EFNA5: variants seen among roughly 807,000 people sequenced by gnomAD.
The protein encoded by EFNA5 is ephrin-A5.
EFNA5 carries 5 observed loss-of-function variants against 22.9 expected under a neutral mutation model. The ratio of observed to expected loss-of-function variants is 0.22; its 90% CI spans 0.11 to 0.46. EFNA5 has a LOEUF of 0.46. Among genes scored for constraint, EFNA5 ranks in the 20% least tolerant of loss-of-function variants. The pLI, the probability that EFNA5 is intolerant of heterozygous loss-of-function variation, is 0.99. For synonymous variants in EFNA5, 113 were observed against 112.2 expected, an observed-to-expected ratio of 1.01 and a Z score of -0.04; for missense variants, 237 against 293.3, an observed-to-expected ratio of 0.81 and a Z score of 1.40.
chr5:107,637,783 G>C (rs1223221020), intron 1 of EFNA5, among the ~76,000 whole-genome samples: 1 of 149,060 alleles, frequency 6.7e-6, no homozygotes, highest in East Asian at 1.9e-4. Context: ...TATATAATCA[G>C]TTTAAATTCA....
chr5:107,378,489 C>T lies in EFNA5; in HGVS notation c.*2766G>A, dbSNP rs898992940. 4.7e-4 allele frequency: 71 copies of T among 152,170 alleles called. No homozygotes were observed. The highest frequency in any genetic ancestry group is 1.7e-3 in the African/African-American group (70 of 41,502). 9.4% of individuals were successfully genotyped at this position (152,170 alleles called of 1,614,324 possible). A position where few individuals can be genotyped will look rare whatever the true frequency, so the allele number is the denominator to read the frequency against. ...AAAGTTGCATCAACATCCTCCTAAG[C>T]CCCCAGAGGATTGTAACACCACCAC... is the stretch of plus-strand genomic sequence containing the variant. On this transcript the variant is annotated 3_prime_UTR_variant, in exon 5 of 5. Coordinates refer to ENST00000333274, the MANE Select transcript of EFNA5 (RefSeq NM_001962.3).
At chr5:107,647,008 T>G (rs1379782064) in intron 1 of EFNA5, among the ~76,000 whole-genome samples, 1 of 152,006 alleles carries the variant, frequency 6.6e-6, no homozygotes, top group Non-Finnish European at 1.5e-5. Flanking sequence ...AAATAACATA[T>G]CAAAGACAAT....
intron 2 of EFNA5, among the ~76,000 whole-genome samples, chr5:107,402,335 T>C (rs1244630158): frequency 1.3e-5 from 2 of 152,210 alleles, no homozygotes; most frequent in Non-Finnish European, 1.5e-5. Flanking sequence ...GCGAGGGCTG[T>C]CTTGAACAAA....
At chr5:107,388,562 A>C (rs1217361952) in intron 2 of EFNA5, 1 of 152,112 alleles carries the variant, frequency 6.6e-6, no homozygotes, top group African/African-American at 2.4e-5. Context: ...AGATAATAAG[A>C]CTGTAAACTT....
intron 1 of EFNA5, among the ~76,000 whole-genome samples, chr5:107,463,576 T>A (rs1262719725): frequency 6.6e-6 from 1 of 152,192 alleles, no homozygotes; most frequent in Non-Finnish European, 1.5e-5. Context: ...AGTAAGAAAT[T>A]GTGATACTTG....
At chr5:107,568,468 T>C (rs1191832700) in intron 1 of EFNA5, among the ~76,000 whole-genome samples, 1 of 152,006 alleles carries the variant, frequency 6.6e-6, no homozygotes, top group African/African-American at 2.4e-5. Flanking sequence ...AATGGTGAAA[T>C]CAGGCCAGCA....
chr5:107,398,603 C>T (rs1191402170), intron 2 of EFNA5, among the ~76,000 whole-genome samples: 2 of 151,882 alleles, frequency 1.3e-5, no homozygotes, highest in Non-Finnish European at 2.9e-5. Context: ...TCCCAGCATT[C>T]GGGAAGGCTG....
chr5:107,652,329 T>C (rs1351550745), intron 1 of EFNA5, among the ~76,000 whole-genome samples: 1 of 152,212 alleles, frequency 6.6e-6, no homozygotes, highest in Non-Finnish European at 1.5e-5. Flanking sequence ...TTTAAAATCA[T>C]ATCCATTGTT....
chr5:107,523,594 C>A (rs924192126), intron 1 of EFNA5, among the ~76,000 whole-genome samples: 1 of 152,218 alleles, frequency 6.6e-6, no homozygotes, highest in African/African-American at 2.4e-5. Context: ...CCAGGCACAA[C>A]TTCAGTCTGT....
At chr5:107,441,981 G>A (rs933724060) in intron 1 of EFNA5, among the ~76,000 whole-genome samples, 6 of 152,092 alleles carry the variant, frequency 3.9e-5, no homozygotes, top group African/African-American at 1.2e-4. Flanking sequence ...CTCAACAACA[G>A]CTACAACCAT....
chr5:107,650,468 G>C (rs1008291125), intron 1 of EFNA5, among the ~76,000 whole-genome samples: 1 of 152,160 alleles, frequency 6.6e-6, no homozygotes, highest in Non-Finnish European at 1.5e-5. Flanking sequence ...AAACTAAGAT[G>C]AAAGTGAGGG....
At chr5:107,538,109 G>C (rs1747964356) in intron 1 of EFNA5, among the ~76,000 whole-genome samples, 1 of 152,148 alleles carries the variant, frequency 6.6e-6, no homozygotes, top group African/African-American at 2.4e-5. Context: ...TGTATAATGT[G>C]TCTTGTTATA....
chr5:107,410,127 A>C (rs1267249310), intron 2 of EFNA5, among the ~76,000 whole-genome samples: 1 of 145,998 alleles, frequency 6.8e-6, no homozygotes, highest in African/African-American at 2.5e-5. Context: ...TCCCGGGTTC[A>C]CACCATTCTC....
At chr5:107,509,231 A>G (rs181310650) in intron 1 of EFNA5, among the ~76,000 whole-genome samples, 87 of 152,284 alleles carry the variant, frequency 5.7e-4, no homozygotes, top group African/African-American at 1.9e-3. Flanking sequence ...ACCCTTTTAC[A>G]GACTCTTTAA....
chr5:107,455,233 A>G (rs1051338012), intron 1 of EFNA5, among the ~76,000 whole-genome samples: 4 of 152,228 alleles, frequency 2.6e-5, no homozygotes, highest in African/African-American at 9.6e-5. Flanking sequence ...GAGCTCCTTC[A>G]GAGGATGCAT....
intron 1 of EFNA5, among the ~76,000 whole-genome samples, chr5:107,479,464 A>AG (rs1750394056): frequency 6.6e-6 from 1 of 152,044 alleles, no homozygotes; most frequent in African/African-American, 2.4e-5. Context: ...ACATTTAAAA[A>AG]AAAAAAACAA....
intron 1 of EFNA5, among the ~76,000 whole-genome samples, chr5:107,629,754 T>C (rs555835877): frequency 5.3e-5 from 8 of 152,316 alleles, no homozygotes; most frequent in African/African-American, 1.9e-4. Context: ...CTGTAAACTT[T>C]CTTAAAACAT....
intron 1 of EFNA5, among the ~76,000 whole-genome samples, chr5:107,658,226 A>C (rs1004906796): frequency 3.3e-5 from 5 of 152,194 alleles, no homozygotes; most frequent in East Asian, 3.9e-4. Flanking sequence ...ATACGGATTT[A>C]AGTTGGAAAG....
intron 1 of EFNA5, among the ~76,000 whole-genome samples, chr5:107,635,119 G>A (rs887077471): frequency 6.6e-6 from 1 of 152,270 alleles, no homozygotes; most frequent in African/African-American, 2.4e-5. Context: ...TTTCCAGAAG[G>A]CTTCAGGTTT....
Sources: allele counts gnomAD v4.1 joint callset (sites outside exome capture counted in the v4.1 genomes callset), GRCh38; gene constraint gnomAD v4.1.1; transcripts MANE v1.5; gene names NCBI Gene and HGNC (gene_info 2026-07-23, HGNC 2026-07-21).